CREB3L2: variants seen among roughly 807,000 people sequenced by gnomAD.
CREB3L2 encodes the protein cyclic AMP-responsive element-binding protein 3-like protein 2.
CREB3L2 carries 23 observed loss-of-function variants against 57.2 expected under a neutral mutation model. That is an observed-to-expected ratio of 0.40 (90% confidence interval 0.29 to 0.57). The LOEUF (loss-of-function observed/expected upper bound fraction) is 0.57. Among genes scored for constraint, CREB3L2 ranks in the 20% least tolerant of loss-of-function variants. The probability of loss-of-function intolerance (pLI) is 0.42; values close to 1 mark genes in which losing one functional copy is unlikely to be tolerated. For synonymous variants in CREB3L2, 268 were observed against 265.1 expected (o/e 1.01, Z -0.11); for missense variants, 628 against 634.7 (o/e 0.99, Z 0.11).
chr7:137,979,477 G>A (rs189703708), intron 1 of CREB3L2, among the ~76,000 whole-genome samples: 1 of 152,244 alleles, frequency 6.6e-6, no homozygotes, highest in Non-Finnish European at 1.5e-5. Context: ...CTTAATCCCA[G>A]CACTTTGGGA....
At chr7:137,995,012 G>A (rs755590858) in intron 1 of CREB3L2, among the ~76,000 whole-genome samples, 2 of 152,204 alleles carry the variant, frequency 1.3e-5, no homozygotes, top group Non-Finnish European at 2.9e-5. Flanking sequence ...AATCTAAGCT[G>A]ATAATATAAA....
chr7:137,982,777 G>A (rs998432834), intron 1 of CREB3L2, among the ~76,000 whole-genome samples: 1 of 152,174 alleles, frequency 6.6e-6, no homozygotes, highest in Admixed American at 6.5e-5. Flanking sequence ...TTCATATGCT[G>A]AAGCCCTAAC....
intron 2 of CREB3L2, 42 bp downstream of exon 2, chr7:137,928,107 CA>C: frequency 6.7e-7 from 1 of 1,482,464 alleles, no homozygotes; most frequent in Non-Finnish European, 9.2e-7. Context: ...AGCTCAGAAC[CA>C]AAGGCGCTAA....
In CREB3L2 at chr7:137,899,515, G is replaced by C. The variant is rs150847033; in HGVS notation, c.1043+1839C>G. Among the ~76,000 whole-genome samples, 702 of 151,792 alleles carry C rather than the reference G, an allele frequency of 4.6e-3. 6 individuals are homozygous for C. Among genetic ancestry groups the C allele is most frequent in the African/African-American group, 0.016 (676 of 41,354 alleles). On this transcript the variant is annotated intron_variant, in intron 8 of 11. Transcript: ENST00000330387. Reference sequence around the variant, plus strand: ...AAAACATGCATACATATGCTGGCTCGGGGAGCAGGATCCAGAGAAACAGAG... The same window carrying C: ...AAAACATGCATACATATGCTGGCTCCGGGAGCAGGATCCAGAGAAACAGAG...
rs1229168666 is a variant in CREB3L2, at chr7:137,957,063, C to T, written c.103-28697G>A. On this transcript the variant is annotated intron_variant, in intron 1 of 11. Transcript: ENST00000330387. The stretch of plus-strand genomic sequence containing the variant: ...TGTCTTTTCTTCTTCGGCCTCTCCA[C>T]TCCACTGGGTTCCCACTCTGGTCTA... 2.0e-5 allele frequency among the ~76,000 whole-genome samples: 3 copies of T among 152,146 alleles called. No individual in the cohort carries two copies. The East Asian group carries it at 5.8e-4, about 29-fold the overall frequency.
chr7:137,983,419 T>G (rs1801742155), intron 1 of CREB3L2, among the ~76,000 whole-genome samples: 1 of 152,350 alleles, frequency 6.6e-6, no homozygotes, highest in East Asian at 1.9e-4. Context: ...GCTAGTGGTC[T>G]TTTAGACATG....
chr7:137,988,726 T>G (rs916925758), intron 1 of CREB3L2, among the ~76,000 whole-genome samples: 1 of 152,110 alleles, frequency 6.6e-6, no homozygotes, highest in Admixed American at 6.5e-5. Flanking sequence ...AACAGACACA[T>G]GCACAAACTC....
intron 8 of CREB3L2, among the ~76,000 whole-genome samples, chr7:137,896,670 C>T (rs571970190): frequency 6.6e-6 from 1 of 152,216 alleles, no homozygotes; most frequent in East Asian, 1.9e-4. Context: ...AATCCATTGC[C>T]AGCCATTACT....
At position 137,878,543 on chromosome 7, in the gene CREB3L2, G is replaced by A. The variant is rs1404857879; in HGVS notation, c.*1933C>T. The A allele has an allele frequency of 8.6e-6, 2 of 233,476 alleles. No homozygotes were observed. The highest frequency in any genetic ancestry group is 4.4e-5 in the African/African-American group (2 of 45,320). 14.5% of individuals were successfully genotyped at this position (233,476 alleles called of 1,614,324 possible). A position where few individuals can be genotyped will look rare whatever the true frequency, so the allele number is the denominator to read the frequency against. On this transcript the variant is annotated 3_prime_UTR_variant, in exon 12 of 12. Coordinates refer to ENST00000330387, the MANE Select transcript of CREB3L2 (RefSeq NM_194071.4). ...AGTGGAGCAGAGAGAAGCAGAAGCA[G>A]AACCTACTAGCAACCCTCCTCCTGC...
intron 1 of CREB3L2, among the ~76,000 whole-genome samples, chr7:137,961,434 G>A (rs1321760205): frequency 6.6e-6 from 1 of 152,076 alleles, no homozygotes; most frequent in East Asian, 1.9e-4. Context: ...GTCAGTTGTT[G>A]CTCCCCACAC....
intron 1 of CREB3L2, among the ~76,000 whole-genome samples, chr7:137,973,749 T>C (rs1801557936): frequency 6.6e-6 from 1 of 152,238 alleles, no homozygotes; most frequent in Non-Finnish European, 1.5e-5. Context: ...CCTCCTGGCA[T>C]TGTTTAATCA....
chr7:137,927,836 A>C (rs1448600848), intron 2 of CREB3L2, among the ~76,000 whole-genome samples: 1 of 151,474 alleles, frequency 6.6e-6, no homozygotes, highest in Non-Finnish European at 1.5e-5. Context: ...GACTTACTGT[A>C]CTGGTAGGAA....
chr7:137,890,014 T>C (rs115426881), intron 8 of CREB3L2, among the ~76,000 whole-genome samples: 2,567 of 152,246 alleles, frequency 0.017, 64 homozygotes, highest in African/African-American at 0.056. Flanking sequence ...AAATTAATAA[T>C]AAAGCATGTC....
chr7:137,935,076 C>T (rs1800752040), intron 1 of CREB3L2, among the ~76,000 whole-genome samples: 1 of 152,176 alleles, frequency 6.6e-6, no homozygotes, highest in African/African-American at 2.4e-5. Context: ...TGGAGTCAGT[C>T]AGCCCTAAAT....
intron 8 of CREB3L2, among the ~76,000 whole-genome samples, chr7:137,892,572 C>G (rs575057775): frequency 6.6e-6 from 1 of 152,204 alleles, no homozygotes; most frequent in African/African-American, 2.4e-5. Context: ...ATCGCTTGAA[C>G]CCGGAAGGCA....
chr7:137,987,992 T>G (rs1301302584), intron 1 of CREB3L2, among the ~76,000 whole-genome samples: 1 of 152,096 alleles, frequency 6.6e-6, no homozygotes, highest in Non-Finnish European at 1.5e-5. Context: ...AACTGTGGAG[T>G]GAATCCTAAA....
intron 8 of CREB3L2, among the ~76,000 whole-genome samples, chr7:137,897,439 G>A (rs920958239): frequency 2.6e-5 from 4 of 152,086 alleles, no homozygotes; most frequent in Non-Finnish European, 5.9e-5. Flanking sequence ...GCACAATCTC[G>A]GCTCACTGCA....
intron 1 of CREB3L2, among the ~76,000 whole-genome samples, chr7:137,977,567 T>G (rs1253862062): frequency 6.6e-6 from 1 of 151,944 alleles, no homozygotes; most frequent in Admixed American, 6.6e-5. Context: ...AAATGACAGA[T>G]AGATTATCTA....
At chr7:137,943,128 T>C (rs903771468) in intron 1 of CREB3L2, among the ~76,000 whole-genome samples, 2 of 152,162 alleles carry the variant, frequency 1.3e-5, no homozygotes, top group Non-Finnish European at 2.9e-5. Flanking sequence ...TGAACCCCTC[T>C]GGGTCTCTTT....
Sources: gnomAD v4.1 joint callset for allele counts (sites outside exome capture counted in the v4.1 genomes callset) on GRCh38, gnomAD v4.1.1 for gene constraint, MANE v1.5 for transcripts, NCBI Gene and HGNC (gene_info 2026-07-23, HGNC 2026-07-21) for gene names.